The following SMARCA5 variants were observed in gnomAD, a reference collection of about 807,000 sequenced individuals.
SMARCA5 encodes SNF2 related chromatin remodeling ATPase 5.
Under a neutral mutation model 140.4 loss-of-function variants are expected in SMARCA5, and 18 were observed. That is an observed-to-expected ratio of 0.13 (90% CI 0.09 to 0.19). The LOEUF (loss-of-function observed/expected upper bound fraction) is 0.19. Among genes scored for constraint, SMARCA5 ranks in the 10% least tolerant of loss-of-function variants. The pLI is 1.00. For missense variants in SMARCA5, 606 were observed against 1,276.8 expected, an observed-to-expected ratio of 0.47 and a Z score of 8.01; for synonymous variants, 449 against 419.6, an observed-to-expected ratio of 1.07 and a Z score of -0.86.
At chr4:143,550,417 T>G (rs1052893709) in intron 23 of SMARCA5, among the ~76,000 whole-genome samples, 13 of 151,990 alleles carry the variant, frequency 8.6e-5, no homozygotes, top group Non-Finnish European at 1.5e-4. Flanking sequence ...AAATGGGGTA[T>G]TTATCACCTC....
At position 143,528,726 on chromosome 4, in the gene SMARCA5, C is replaced by T. The variant is rs1002889152; in HGVS notation, c.1089+12C>T. Reference sequence around the variant, plus strand: ...TTAATTCAGCAGATGTAAGTATTTCCTGGTGCTTTCTGGTTAATAATAATA... The same window carrying T: ...TTAATTCAGCAGATGTAAGTATTTCTTGGTGCTTTCTGGTTAATAATAATA... On this transcript the variant is annotated intron_variant, in intron 8 of 23. Coordinates refer to ENST00000283131, the MANE Select transcript of SMARCA5 (RefSeq NM_003601.4). 3 of 1,602,550 alleles carry T rather than the reference C, an allele frequency of 1.9e-6. No homozygotes were observed. Among genetic ancestry groups the T allele is most frequent in the Non-Finnish European group, 2.6e-6 (3 of 1,176,328 alleles).
At position 143,526,406 on chromosome 4, in the gene SMARCA5, G is replaced by A; in HGVS notation, c.747G>A (p.Lys249=). 6.2e-7 allele frequency: 1 copy of A among 1,613,586 alleles called. No homozygotes were observed. Among genetic ancestry groups the A allele is most frequent in the Non-Finnish European group, 8.5e-7 (1 of 1,179,556 alleles). The change falls in exon 6 of 24, where the codon AAG becomes AAA. Residue 249 remains lysine (K), a synonymous_variant. Coordinates refer to ENST00000283131, the MANE Select transcript of SMARCA5 (RefSeq NM_003601.4). ...STLHNWMSEF[K]RWVPTLRSVC... Reference sequence around the variant, plus strand: ...TACACAACTGGATGAGTGAATTCAAGAGATGGGTACCAACACTTAGATCTG... The same window carrying A: ...TACACAACTGGATGAGTGAATTCAAAAGATGGGTACCAACACTTAGATCTG...
chr4:143,521,530 G>A lies in SMARCA5; in HGVS notation c.354G>A (p.Leu118=). 1 of 1,613,434 alleles carries A rather than the reference G, an allele frequency of 6.2e-7. No homozygotes were observed. The highest frequency in any genetic ancestry group is 1.3e-5 in the African/African-American group (1 of 74,896). The change falls in exon 3 of 24, where the codon TTG becomes TTA. Residue 118 remains leucine (L), a synonymous_variant. Transcript: ENST00000283131. ...PAAQKTPTSP[L]KMKPGRPRIK... ...CTCAGAAGACTCCAACTTCACCTTT[G>A]AAGATGAAACCAGGGCGCCCACGAA... is the stretch of plus-strand genomic sequence containing the variant.
intron 9 of SMARCA5, among the ~76,000 whole-genome samples, chr4:143,532,436 A>G (rs1016051371): frequency 2.0e-5 from 3 of 152,168 alleles, no homozygotes; most frequent in East Asian, 1.9e-4. Context: ...AGCAGTATCA[A>G]CCAGATTTGG....
At chr4:143,524,628 G>GTCACATATTATAGTCACATATAATAGTCA (rs1359251964) in intron 4 of SMARCA5, among the ~76,000 whole-genome samples, 161 bp downstream of exon 4, 2 of 152,202 alleles carry the variant, frequency 1.3e-5, no homozygotes, top group South Asian at 2.1e-4. Flanking sequence ...GGAGATGAGA[G>GTCACATATTATAGTCACATATAATAGTCA]CATATTACAG....
At position 143,525,503 on chromosome 4, in the gene SMARCA5, C is replaced by A; in HGVS notation, c.573C>A (p.Leu191=). The A allele has an allele frequency of 6.2e-7, 1 of 1,613,612 alleles. No homozygotes were observed. The highest frequency in any genetic ancestry group is 8.5e-7 in the Non-Finnish European group (1 of 1,179,604). Residue 191 remains leucine (L), a synonymous_variant, in exon 5 of 24, where the codon CTC becomes CTA. Transcript: ENST00000283131. ...ATCAGGTCCGAGGATTAAACTGGCT[C>A]ATTTCTTTGTATGAGAATGGCATCA... ...RDYQVRGLNW[L]ISLYENGING...
At chr4:143,549,785 C>T (rs1481825186) in intron 22 of SMARCA5, among the ~76,000 whole-genome samples, 3 of 151,940 alleles carry the variant, frequency 2.0e-5, no homozygotes, top group African/African-American at 7.3e-5. Context: ...AGTAGTTTGG[C>T]TTTAAAGATT....
At chr4:143,545,796 A>G in intron 18 of SMARCA5, 129 bp from the exon 19 acceptor site, 1 of 944,844 alleles carries the variant, frequency 1.1e-6, no homozygotes. Flanking sequence ...TGTTTTTAAC[A>G]TAATACATGC....
intron 10 of SMARCA5, among the ~76,000 whole-genome samples, chr4:143,536,132 T>G (rs2149821803): frequency 6.6e-6 from 1 of 152,338 alleles, no homozygotes; most frequent in South Asian, 2.1e-4. Context: ...AAACTTACAT[T>G]TTTTAAGTTT....
At chr4:143,532,760 G>C (rs966421905) in intron 9 of SMARCA5, among the ~76,000 whole-genome samples, 8 of 147,050 alleles carry the variant, frequency 5.4e-5, no homozygotes, top group Non-Finnish European at 1.2e-4. Context: ...ACACTTCATA[G>C]TTTATATTTT....
At chr4:143,545,636 G>T in intron 18 of SMARCA5, 53 bp downstream of exon 18, 1 of 1,067,962 alleles carries the variant, frequency 9.4e-7, no homozygotes, top group Non-Finnish European at 1.4e-6. Flanking sequence ...ATTATGGAAG[G>T]TATAAACATT....
At chr4:143,538,292 T>C (rs1001021683) in intron 11 of SMARCA5, among the ~76,000 whole-genome samples, 1 of 152,182 alleles carries the variant, frequency 6.6e-6, no homozygotes, top group African/African-American at 2.4e-5. Flanking sequence ...TGGAAAGTTA[T>C]TTTTAAATGT....
rs1036204291 is a variant in SMARCA5, at chr4:143,541,654, G to A, written c.1903+1159G>A. Among the ~76,000 whole-genome samples the A allele has an allele frequency of 4.6e-5, 7 of 152,130 alleles. No homozygotes were observed. The South Asian group carries it at 1.0e-3, about 23-fold the overall frequency. On this transcript the variant is annotated intron_variant, in intron 14 of 23. Coordinates refer to ENST00000283131, the MANE Select transcript of SMARCA5 (RefSeq NM_003601.4). ...ACTTGTTCATTGTACATACAGCTGG[G>A]AAGTGACTCAAGGGGGATCAAGAAC...
chr4:143,542,804 G>C (rs959803881), intron 14 of SMARCA5, among the ~76,000 whole-genome samples: 1 of 152,116 alleles, frequency 6.6e-6, no homozygotes, highest in Non-Finnish European at 1.5e-5. Flanking sequence ...TTAATGGTGA[G>C]TTTCTTCGAT....
In SMARCA5 at chr4:143,543,912, A is replaced by G. The variant is rs775623128; in HGVS notation, c.2112A>G (p.Thr704=). The part of the protein sequence containing the change: ...KMGESSLRNF[T]MDTESSVYNF... Reference sequence around the variant, plus strand: ...GCGAAAGTTCACTTAGAAACTTTACAATGGATACAGAGTCAAGTGTTTATA... The same window carrying G: ...GCGAAAGTTCACTTAGAAACTTTACGATGGATACAGAGTCAAGTGTTTATA... The change falls in exon 16 of 24, where the codon ACA becomes ACG. Residue 704 remains threonine (T), a synonymous_variant. Transcript: ENST00000283131. 18 of 1,608,012 alleles carry G rather than the reference A, an allele frequency of 1.1e-5. No homozygotes were observed. Among genetic ancestry groups the G allele is most frequent in the African/African-American group, 2.7e-5 (2 of 74,744 alleles).
At chr4:143,523,466 TA>T (rs1737005645) in intron 3 of SMARCA5, among the ~76,000 whole-genome samples, 1 of 152,218 alleles carries the variant, frequency 6.6e-6, no homozygotes, top group Non-Finnish European at 1.5e-5. Flanking sequence ...AAAAAGAATT[TA>T]AAATTATCTC....
rs1468373334 is a variant in SMARCA5 at position 143,554,060 on chromosome 4, C to T, written c.*876C>T. 1.3e-5 allele frequency: 2 copies of T among 151,382 alleles called. No individual in the cohort carries two copies. The highest frequency in any genetic ancestry group is 2.9e-5 in the Non-Finnish European group (2 of 67,840). 9.4% of individuals were successfully genotyped at this position (151,382 alleles called of 1,614,324 possible). Reference sequence around the variant, plus strand: ...CATTGAAATTGGTAACAAAATATATCCCCTCCCATTTGGACTTTTAGGGTA... The same window carrying T: ...CATTGAAATTGGTAACAAAATATATTCCCTCCCATTTGGACTTTTAGGGTA... On this transcript the variant is annotated 3_prime_UTR_variant, in exon 24 of 24. Coordinates refer to ENST00000283131, the MANE Select transcript of SMARCA5 (RefSeq NM_003601.4).
chr4:143,553,101 CCTT>C lies in SMARCA5; in HGVS notation c.3094-15_3094-13del, dbSNP rs538704358. The stretch of plus-strand genomic sequence containing the variant: ...TTATATTAGTCTTGTGAAAAGTAAT[CCTT>C]CTGTCTGTTTGTAGACACAGAAACG... On this transcript the variant is annotated splice_polypyrimidine_tract_variant and intron_variant, in intron 23 of 23. Coordinates refer to ENST00000283131, the MANE Select transcript of SMARCA5 (RefSeq NM_003601.4). The C allele has an allele frequency of 2.5e-6, 4 of 1,597,692 alleles. No individual in the cohort carries two copies. The highest frequency in any genetic ancestry group is 1.3e-5 in the African/African-American group (1 of 74,712).
Position 143,524,424 on chromosome 4 carries a change from C to T in SMARCA5, c.477C>T (p.Ser159=), listed in dbSNP as rs778408567. The T allele has an allele frequency of 6.2e-7, 1 of 1,612,912 alleles. No individual in the cohort carries two copies. The highest frequency in any genetic ancestry group is 8.5e-7 in the Non-Finnish European group (1 of 1,179,388). ...EEDEELLTES[S]KATNVCTRFE... ...ATGAAGAGCTATTAACAGAAAGCTC[C>T]AAAGCAACCAATGTTTGCACTCGAT... The change falls in exon 4 of 24, where the codon TCC becomes TCT. Residue 159 remains serine (S), a synonymous_variant. Transcript: ENST00000283131.
Sources: allele counts gnomAD v4.1 joint callset (sites outside exome capture counted in the v4.1 genomes callset), GRCh38; gene constraint gnomAD v4.1.1; transcripts MANE v1.5; gene names NCBI Gene and HGNC (gene_info 2026-07-23, HGNC 2026-07-21).